RFX4: variants seen among roughly 807,000 people sequenced by gnomAD.
RFX4 encodes the protein regulatory factor X4, also known as transcription factor RFX4.
A neutral mutation model predicts 95.0 loss-of-function variants in RFX4; 10 were observed. The ratio of observed to expected loss-of-function variants is 0.11; its 90% confidence interval spans 0.06 to 0.18. The LOEUF (loss-of-function observed/expected upper bound fraction) is 0.18. Among genes scored for constraint, RFX4 ranks in the 10% least tolerant of loss-of-function variants. The pLI is 1.00. For synonymous variants in RFX4, 321 were observed against 340.7 expected (o/e 0.94, Z 0.64); for missense variants, 640 against 922.0 (o/e 0.69, Z 3.96).
chr12:106,648,821 G>A (rs1401935407), intron 3 of RFX4, among the ~76,000 whole-genome samples: 4 of 151,906 alleles, frequency 2.6e-5, no homozygotes, highest in African/African-American at 9.7e-5. Context: ...AGAAATCACA[G>A]GTTTAAAATG....
At chr12:106,622,981 A>T (rs2040215217) in intron 2 of RFX4, among the ~76,000 whole-genome samples, 1 of 151,060 alleles carries the variant, frequency 6.6e-6, no homozygotes, top group African/African-American at 2.4e-5. Flanking sequence ...CATAGCTGGT[A>T]AGTGGTAGAG....
chr12:106,699,253 C>T (rs1430238009), intron 8 of RFX4, among the ~76,000 whole-genome samples: 1 of 151,736 alleles, frequency 6.6e-6, no homozygotes, highest in East Asian at 1.9e-4. Flanking sequence ...AGTTTAATTC[C>T]CTTCTGGTCA....
intron 17 of RFX4, among the ~76,000 whole-genome samples, chr12:106,759,574 G>A (rs1264616576): frequency 6.6e-6 from 1 of 152,148 alleles, no homozygotes; most frequent in African/African-American, 2.4e-5. Flanking sequence ...CCACTGTGCA[G>A]GCCTGAGGGT....
At position 106,710,019 on chromosome 12, in the gene RFX4, C is replaced by A. The variant is rs111738034; in HGVS notation, c.934+589C>A. On this transcript the variant is annotated intron_variant, in intron 9 of 17. Transcript: ENST00000392842. Reference sequence around the variant, plus strand: ...AAGGGATTGAGACTGTGAACCTTTTCTTTGCTGAGTGTTGGCACCCATTCC... The same window carrying A: ...AAGGGATTGAGACTGTGAACCTTTTATTTGCTGAGTGTTGGCACCCATTCC... 8.3e-3 allele frequency among the ~76,000 whole-genome samples: 1,262 copies of A among 152,282 alleles called. 24 individuals are homozygous for A. The highest frequency in any genetic ancestry group is 0.029 in the African/African-American group (1,205 of 41,546).
At chr12:106,751,537 G>A (rs1352910803) in intron 17 of RFX4, among the ~76,000 whole-genome samples, 1 of 149,436 alleles carries the variant, frequency 6.7e-6, no homozygotes, top group African/African-American at 2.5e-5. Context: ...GGTTGAACTA[G>A]TTTACAGTCC....
chr12:106,751,883 A>G (rs1465810502), intron 17 of RFX4, among the ~76,000 whole-genome samples: 4 of 149,488 alleles, frequency 2.7e-5, no homozygotes, highest in Non-Finnish European at 4.5e-5. Flanking sequence ...CCCATTTTGT[A>G]GGTTGCCTGT....
At chr12:106,706,445 A>G (rs1332481847) in intron 8 of RFX4, among the ~76,000 whole-genome samples, 1 of 152,210 alleles carries the variant, frequency 6.6e-6, no homozygotes. Context: ...GGCAGCCTGA[A>G]CTAGGGAGAA....
intron 1 of RFX4, among the ~76,000 whole-genome samples, chr12:106,588,846 A>G (rs2039498952): frequency 6.6e-6 from 1 of 152,236 alleles, no homozygotes; most frequent in African/African-American, 2.4e-5. Flanking sequence ...ATTCTGAAAC[A>G]TAGGGTTTTT....
At chr12:106,665,742 C>T (rs139720651) in intron 4 of RFX4, among the ~76,000 whole-genome samples, 2 of 151,738 alleles carry the variant, frequency 1.3e-5, no homozygotes, top group Admixed American at 6.6e-5. Context: ...TTAAATAATG[C>T]TATGCCACTT....
chr12:106,596,588 G>A (rs895972369), intron 1 of RFX4, among the ~76,000 whole-genome samples: 1 of 152,176 alleles, frequency 6.6e-6, no homozygotes, highest in Non-Finnish European at 1.5e-5. Flanking sequence ...TGTACACCTG[G>A]TAAAACCAGT....
chr12:106,609,888 C>T (rs2039922620), intron 2 of RFX4, among the ~76,000 whole-genome samples: 1 of 151,994 alleles, frequency 6.6e-6, no homozygotes, highest in Non-Finnish European at 1.5e-5. Context: ...CCCGTTTTTG[C>T]CTGCTTTTAA....
intron 4 of RFX4, among the ~76,000 whole-genome samples, chr12:106,676,690 G>T (rs2041398166): frequency 6.6e-6 from 1 of 152,112 alleles, no homozygotes; most frequent in Non-Finnish European, 1.5e-5. Context: ...AGCCTATTGG[G>T]TGCAGGGCCC....
At chr12:106,748,343 C>G (rs1415447518) in intron 16 of RFX4, among the ~76,000 whole-genome samples, 1 of 152,144 alleles carries the variant, frequency 6.6e-6, no homozygotes, top group East Asian at 1.9e-4. Context: ...TTTTATGATT[C>G]CATTTAGAGA....
chr12:106,619,191 C>T (rs145805256), intron 2 of RFX4, among the ~76,000 whole-genome samples: 1,648 of 152,188 alleles, frequency 0.011, 15 homozygotes, highest in Admixed American at 0.019. Flanking sequence ...GTTCTTTCTC[C>T]TGCAGCAGTT....
intron 1 of RFX4, among the ~76,000 whole-genome samples, chr12:106,593,735 G>A (rs1348853383): frequency 6.6e-6 from 1 of 152,156 alleles, no homozygotes; most frequent in African/African-American, 2.4e-5. Context: ...TGAGTTCTAC[G>A]TTATCTTTTT....
At chr12:106,603,273 G>A (rs879121160) in intron 1 of RFX4, among the ~76,000 whole-genome samples, 14 of 152,158 alleles carry the variant, frequency 9.2e-5, no homozygotes, top group Non-Finnish European at 1.8e-4. Flanking sequence ...TCCCTGATGC[G>A]GCTACTTCTG....
intron 17 of RFX4, 76 bp downstream of exon 17, chr12:106,750,869 C>G: frequency 7.3e-7 from 1 of 1,362,044 alleles, no homozygotes; most frequent in Non-Finnish European, 9.7e-7. Flanking sequence ...AGTTCATAAA[C>G]TGTTATGCAT....
chr12:106,671,837 A>G (rs1299302155), intron 4 of RFX4, among the ~76,000 whole-genome samples: 1 of 151,810 alleles, frequency 6.6e-6, no homozygotes, highest in Non-Finnish European at 1.5e-5. Context: ...AGTTTTTTGT[A>G]TTTTAGTAGA....
At chr12:106,739,326 A>G (rs2042766359) in intron 15 of RFX4, among the ~76,000 whole-genome samples, 1 of 152,162 alleles carries the variant, frequency 6.6e-6, no homozygotes, top group Non-Finnish European at 1.5e-5. Flanking sequence ...CCAGTCAAGT[A>G]CCTGGGACTC....
Sources: gnomAD v4.1 joint callset for allele counts (sites outside exome capture counted in the v4.1 genomes callset) on GRCh38, gnomAD v4.1.1 for gene constraint, MANE v1.5 for transcripts, NCBI Gene and HGNC (gene_info 2026-07-23, HGNC 2026-07-21) for gene names.